The following COP1 variants were observed in gnomAD, a reference collection of about 807,000 sequenced individuals.
COP1 encodes COP1 E3 ubiquitin ligase.
Under a neutral mutation model 101.3 loss-of-function variants are expected in COP1, and 24 were observed. The ratio of observed to expected loss-of-function variants is 0.24; its 90% CI spans 0.17 to 0.33. The LOEUF is 0.33. Ranked by LOEUF, COP1 falls within the 10% of genes least tolerant of loss-of-function variation. COP1 has a pLI of 1.00. For synonymous variants in COP1, 347 were observed against 341.9 expected, an observed-to-expected ratio of 1.01 and a Z score of -0.17; for missense variants, 663 against 906.2, an observed-to-expected ratio of 0.73 and a Z score of 3.45.
chr1:176,016,838 G>T (rs1240234992), intron 15 of COP1, among the ~76,000 whole-genome samples: 1 of 151,902 alleles, frequency 6.6e-6, no homozygotes, highest in Non-Finnish European at 1.5e-5. Flanking sequence ...TTGTTTCATT[G>T]TTTTATCTGA....
At chr1:176,024,193 AG>A in intron 15 of COP1, among the ~76,000 whole-genome samples, 1 of 152,302 alleles carries the variant, frequency 6.6e-6, no homozygotes, top group Admixed American at 6.5e-5. Context: ...GGGGAGGCAG[AG>A]GTTGCAGTGA....
chr1:176,009,533 C>T (rs752972143), intron 15 of COP1, among the ~76,000 whole-genome samples: 19 of 151,988 alleles, frequency 1.3e-4, no homozygotes, highest in Admixed American at 6.6e-5. Context: ...CTAAAAATTG[C>T]GTACTGCACG....
intron 19 of COP1, among the ~76,000 whole-genome samples, chr1:175,945,931 A>G (rs1649116361): frequency 6.6e-6 from 1 of 152,232 alleles, no homozygotes; most frequent in Non-Finnish European, 1.5e-5. Flanking sequence ...ACTTAACATA[A>G]GAAGTCAATG....
chr1:176,042,795 C>T (rs2149178889), intron 14 of COP1, among the ~76,000 whole-genome samples: 1 of 146,828 alleles, frequency 6.8e-6, no homozygotes, highest in African/African-American at 2.5e-5. Context: ...GAGGCCGAGG[C>T]AGCAAGGCAG....
intron 19 of COP1, 94 bp from the exon 20 acceptor site, chr1:175,945,264 A>G (rs905144139): frequency 2.7e-5 from 24 of 901,654 alleles, no homozygotes; most frequent in Non-Finnish European, 3.7e-5. Flanking sequence ...ATAGAAAAGC[A>G]AATTTAAAAA....
At position 176,136,521 on chromosome 1, in the gene COP1, T is replaced by C; in HGVS notation, c.858A>G (p.Leu286=). The change falls in exon 7 of 20, where the codon CTA becomes CTG. Residue 286 remains leucine, a synonymous_variant. Transcript: ENST00000367669. ...REQLEQIQKE[L]SVLEEDIKRV... is the part of the protein sequence containing the mutation. ...TCTTAATATCCTCTTCCAAAACACTTAGCTCCTTCTGGATCTGTTCCAGTT... is the reference window on the plus strand; with the variant it reads ...TCTTAATATCCTCTTCCAAAACACTCAGCTCCTTCTGGATCTGTTCCAGTT... 6.2e-7 allele frequency: 1 copy of C among 1,607,384 alleles called. No homozygotes were observed. The highest frequency in any genetic ancestry group is 8.5e-7 in the Non-Finnish European group (1 of 1,176,022).
At chr1:175,992,462 C>T (rs564050114) in intron 15 of COP1, among the ~76,000 whole-genome samples, 12 of 152,254 alleles carry the variant, frequency 7.9e-5, no homozygotes, top group South Asian at 2.1e-4. Flanking sequence ...ACTCGGGAAG[C>T]GCAAGGGGTC....
In COP1 at chr1:176,159,014, A is replaced by G. The variant is rs144332110; in HGVS notation, c.762+3855T>C. ...GAATGTGGTAGTAATTGTATTAAAAACTCTAAAGCAACCACTAAAAAGACA... is the reference window on the plus strand; with the variant it reads ...GAATGTGGTAGTAATTGTATTAAAAGCTCTAAAGCAACCACTAAAAAGACA... On this transcript the variant is annotated intron_variant, in intron 5 of 19. Transcript: ENST00000367669. Among the ~76,000 whole-genome samples the G allele has an allele frequency of 2.6e-3, 399 of 151,866 alleles. 3 individuals are homozygous for G. Among genetic ancestry groups the G allele is most frequent in the African/African-American group, 9.2e-3 (381 of 41,462 alleles).
chr1:176,176,891 C>G (rs750784549), intron 2 of COP1, among the ~76,000 whole-genome samples: 3 of 152,100 alleles, frequency 2.0e-5, no homozygotes, highest in Non-Finnish European at 4.4e-5. Context: ...ACTACTGTTA[C>G]AGAAAATGTT....
chr1:176,094,308 A>G (rs909138596), intron 9 of COP1, among the ~76,000 whole-genome samples: 1 of 152,024 alleles, frequency 6.6e-6, no homozygotes, highest in African/African-American at 2.4e-5. Context: ...AGGTTGCCTT[A>G]TAATTGTTGG....
intron 10 of COP1, among the ~76,000 whole-genome samples, chr1:176,085,314 C>T (rs971983565): frequency 6.6e-6 from 1 of 151,860 alleles, no homozygotes; most frequent in African/African-American, 2.4e-5. Flanking sequence ...TCTCATGATA[C>T]TCCTGTAAAC....
At chr1:176,206,456 G>T in intron 1 of COP1, 116 bp downstream of exon 1, 3 of 1,214,550 alleles carry the variant, frequency 2.5e-6, no homozygotes, top group Non-Finnish European at 2.3e-6. Flanking sequence ...CACCACCACA[G>T]CACCAGTATC....
rs1688429921 is a variant in COP1 at position 176,128,689 on chromosome 1, G to A, written c.968+6321C>T. ...AAGGTTTGAGAAAAAGTATTAAATT[G>A]TATACAGATAATTTCCTGTATTGTC... On this transcript the variant is annotated intron_variant, in intron 8 of 19. Transcript: ENST00000367669. Among the ~76,000 whole-genome samples, 5 of 151,988 alleles carry A rather than the reference G, an allele frequency of 3.3e-5. No individual in the cohort carries two copies. In the South Asian group the frequency reaches 1.0e-3, roughly 32 times the overall value.
chr1:176,004,934 T>C (rs376463669), intron 15 of COP1, among the ~76,000 whole-genome samples: 1 of 151,624 alleles, frequency 6.6e-6, no homozygotes, highest in Non-Finnish European at 1.5e-5. Context: ...ATGGTACCAG[T>C]TCCTCCTTGT....
chr1:176,103,275 T>G (rs1683722465), intron 9 of COP1, among the ~76,000 whole-genome samples: 1 of 152,224 alleles, frequency 6.6e-6, no homozygotes, highest in African/African-American at 2.4e-5. Flanking sequence ...CCACAAAGCC[T>G]TAGGATAAGG....
intron 8 of COP1, 145 bp downstream of exon 8, chr1:176,134,865 G>A (rs2149728835): frequency 1.9e-6 from 1 of 534,696 alleles, no homozygotes; most frequent in Non-Finnish European, 3.4e-6. Context: ...GAAACAGATG[G>A]GCCATATGAA....
intron 13 of COP1, 75 bp from the exon 14 acceptor site, chr1:176,043,342 C>T (rs766620594): frequency 2.4e-6 from 2 of 822,642 alleles, no homozygotes; most frequent in East Asian, 2.6e-5. Flanking sequence ...AAAAAAAAAA[C>T]CTGATATCAA....
chr1:176,022,882 T>C (rs544973418), intron 15 of COP1, among the ~76,000 whole-genome samples: 1 of 152,332 alleles, frequency 6.6e-6, no homozygotes, highest in Non-Finnish European at 1.5e-5. Context: ...TAGACATGAA[T>C]TAGATTCCAT....
In COP1 at chr1:176,166,145, G is replaced by C. The variant is rs543826029; in HGVS notation, c.566-2254C>G. Among the ~76,000 whole-genome samples, 9 of 151,652 alleles carry C rather than the reference G, an allele frequency of 5.9e-5. No homozygotes were observed. In the East Asian group the frequency reaches 7.8e-4, roughly 13 times the overall value. ...TATTTATTTTATTTATTTATTTATTGAGACAGGGTGTGACTCTGTCACGCA... is the reference window on the plus strand; with the variant it reads ...TATTTATTTTATTTATTTATTTATTCAGACAGGGTGTGACTCTGTCACGCA... On this transcript the variant is annotated intron_variant, in intron 3 of 19. Coordinates refer to ENST00000367669, the MANE Select transcript of COP1 (RefSeq NM_022457.7).
Sources: allele counts gnomAD v4.1 joint callset (sites outside exome capture counted in the v4.1 genomes callset), GRCh38; gene constraint gnomAD v4.1.1; transcripts MANE v1.5; gene names NCBI Gene and HGNC (gene_info 2026-07-23, HGNC 2026-07-21).